Variants in TEX9 observed in about 807,000 individuals in gnomAD.
TEX9 encodes the protein testis expressed 9, also known as testis-expressed protein 9.
Under a neutral mutation model 59.6 loss-of-function variants are expected in TEX9, and 74 were observed. The ratio of observed to expected loss-of-function variants is 1.24; its 90% confidence interval spans 1.03 to 1.51. TEX9 has a LOEUF of 1.51. Ranked by LOEUF, TEX9 falls within the 40% of genes most tolerant of loss-of-function variation. The pLI, the probability that TEX9 is intolerant of heterozygous loss-of-function variation, is 0.00. For synonymous variants in TEX9, 186 were observed against 152.2 expected (o/e 1.22, Z -1.64); for missense variants, 522 against 447.8 (o/e 1.17, Z -1.49).
At chr15:56,436,780 C>T (rs1388920539) in intron 12 of TEX9, among the ~76,000 whole-genome samples, 1 of 152,002 alleles carries the variant, frequency 6.6e-6, no homozygotes, top group East Asian at 1.9e-4. Flanking sequence ...GGGATATCAC[C>T]ACAGATCCAA....
chr15:56,266,324 T>C (rs1460409205), intron 1 of TEX9, among the ~76,000 whole-genome samples: 10 of 151,512 alleles, frequency 6.6e-5, no homozygotes, highest in Non-Finnish European at 1.2e-4. Flanking sequence ...TGGGGTTTCT[T>C]TTCTTTTTTT....
chr15:56,389,507 C>T (rs1334212997), intron 6 of TEX9, 107 bp downstream of exon 6: 4 of 787,510 alleles, frequency 5.1e-6, no homozygotes, highest in Non-Finnish European at 8.2e-6. Flanking sequence ...TTTTTACACC[C>T]TAAACATTAA....
intron 1 of TEX9, among the ~76,000 whole-genome samples, chr15:56,295,886 G>A (rs1324946446): frequency 1.3e-5 from 2 of 152,126 alleles, no homozygotes; most frequent in East Asian, 3.9e-4. Context: ...GCTCTTGAGG[G>A]GCTGAATCTT....
intron 1 of TEX9, chr15:56,323,196 G>A (rs759050504): frequency 5.2e-4 from 113 of 217,204 alleles, no homozygotes; most frequent in Non-Finnish European, 9.3e-4. Context: ...AGGAGCACAA[G>A]AAAAAGCAGC....
At chr15:56,427,484 A>G (rs1210032538) in intron 10 of TEX9, 121 bp from the exon 11 acceptor site, 14 of 627,294 alleles carry the variant, frequency 2.2e-5, no homozygotes, top group Non-Finnish European at 2.4e-6. Context: ...ATTTTTATCT[A>G]CAAAAATTTT....
intron 1 of TEX9, chr15:56,323,449 C>A: frequency 5.9e-6 from 1 of 169,438 alleles, no homozygotes; most frequent in Non-Finnish European, 1.3e-5. Flanking sequence ...AAGAGAACAT[C>A]CCATTGGTGA....
At chr15:56,451,388 T>C in the TEX9 span, among the ~76,000 whole-genome samples, 4 of 152,214 alleles carry the variant, frequency 2.6e-5, no homozygotes, top group Admixed American at 6.5e-5. Flanking sequence ...CTACCATTTT[T>C]AGGCTTTTTC....
intron 7 of TEX9, among the ~76,000 whole-genome samples, chr15:56,391,932 A>G (rs749574870): frequency 6.6e-6 from 1 of 152,110 alleles, no homozygotes; most frequent in Non-Finnish European, 1.5e-5. Context: ...CTTCTTATTA[A>G]CTCATTCTTT....
At chr15:56,258,414 C>A (rs1209272632) in intron 1 of TEX9, among the ~76,000 whole-genome samples, 2 of 152,088 alleles carry the variant, frequency 1.3e-5, no homozygotes, top group African/African-American at 4.8e-5. Context: ...TTCTTCCAAT[C>A]CATGAGCATG....
chr15:56,373,486 A>G (rs1342172993), exon 3 of TEX9: 12 of 1,575,242 alleles, frequency 7.6e-6, no homozygotes, highest in African/African-American at 1.4e-5. Context: ...ACGTGGTTCA[A>G]CAAGCTAAGG....
intron 1 of TEX9, among the ~76,000 whole-genome samples, chr15:56,339,999 T>G (rs1185714938): frequency 6.6e-6 from 1 of 152,136 alleles, no homozygotes; most frequent in Admixed American, 6.5e-5. Context: ...ATTAAGACCT[T>G]CACCTTGTAT....
At chr15:56,390,436 C>T (rs1184998601) in intron 6 of TEX9, among the ~76,000 whole-genome samples, 2 of 152,016 alleles carry the variant, frequency 1.3e-5, no homozygotes, top group African/African-American at 4.8e-5. Flanking sequence ...ATTCCTGTAT[C>T]AAAACATCTC....
At chr15:56,265,180 A>T (rs2718933) in intron 1 of TEX9, among the ~76,000 whole-genome samples, 4,045 of 134,698 alleles carry the variant, frequency 0.03, 150 homozygotes, top group African/African-American at 0.094. Context: ...TTTTTTTTTT[A>T]ACAGGGTCTC....
At chr15:56,383,840 T>G (rs934761345) in intron 3 of TEX9, 112 bp from the exon 4 acceptor site, 5 of 715,190 alleles carry the variant, frequency 7.0e-6, no homozygotes, top group Non-Finnish European at 1.1e-5. Flanking sequence ...CTTTATGTTA[T>G]GGAAACCTTG....
downstream of TEX9, among the ~76,000 whole-genome samples, chr15:56,450,261 A>G (rs1378196049): frequency 6.6e-6 from 1 of 152,164 alleles, no homozygotes; most frequent in Non-Finnish European, 1.5e-5. Context: ...TCATGTGAAA[A>G]TATATGTAAC....
At chr15:56,344,229 C>T (rs1441941368) in intron 1 of TEX9, among the ~76,000 whole-genome samples, 2 of 152,128 alleles carry the variant, frequency 1.3e-5, no homozygotes, top group Admixed American at 6.5e-5. Flanking sequence ...ATGTTCATAA[C>T]AGCATTATCC....
At chr15:56,258,869 T>G (rs74414317) in intron 1 of TEX9, among the ~76,000 whole-genome samples, 1 of 150,682 alleles carries the variant, frequency 6.6e-6, no homozygotes. Flanking sequence ...ATTGTAGATA[T>G]GTTATTTGTT....
In TEX9 at chr15:56,369,242, GT is replaced by G. The variant is rs2047080007; in HGVS notation, c.119+3573del. Among the ~76,000 whole-genome samples, 3 of 152,222 alleles carry G rather than the reference GT, an allele frequency of 2.0e-5. No individual in the cohort carries two copies. The South Asian group carries it at 6.2e-4, about 32-fold the overall frequency. On this transcript the variant is annotated intron_variant, in intron 2 of 12. Coordinates refer to ENST00000352903, the Ensembl canonical transcript of TEX9. ...GTCTTGCTCTGATGTCCAGGCTGGAGTGCAGTGGTGTGATTATGGCTCATTG... is the reference window on the plus strand; with the variant it reads ...GTCTTGCTCTGATGTCCAGGCTGGAGGCAGTGGTGTGATTATGGCTCATTG...
intron 12 of TEX9, chr15:56,443,390 C>A: frequency 7.1e-7 from 1 of 1,403,698 alleles, no homozygotes; most frequent in Non-Finnish European, 9.6e-7. Context: ...AAATTATATT[C>A]TTCTCTACAT....
Sources: allele counts gnomAD v4.1 joint callset (sites outside exome capture counted in the v4.1 genomes callset), GRCh38; gene constraint gnomAD v4.1.1; transcripts MANE v1.5; gene names NCBI Gene and HGNC (gene_info 2026-07-23, HGNC 2026-07-21).